Variants in VTI1A observed in about 807,000 individuals in gnomAD.
The protein encoded by VTI1A is vesicle transport through interaction with t-SNAREs homolog 1A.
A neutral mutation model predicts 34.9 loss-of-function variants in VTI1A; 22 were observed. The observed-to-expected ratio is 0.63, with a 90% CI of 0.45 to 0.90. The LOEUF is 0.90. Among genes scored for constraint, VTI1A ranks in the 40% least tolerant of loss-of-function variants. The pLI, the probability that VTI1A is intolerant of heterozygous loss-of-function variation, is 0.00. For missense variants in VTI1A, 268 were observed against 275.6 expected, an observed-to-expected ratio of 0.97 and a Z score of 0.20; for synonymous variants, 87 against 97.3, an observed-to-expected ratio of 0.89 and a Z score of 0.62.
intron 7 of VTI1A, among the ~76,000 whole-genome samples, chr10:112,776,834 C>T (rs564966583): frequency 6.6e-6 from 1 of 152,086 alleles, no homozygotes; most frequent in Non-Finnish European, 1.5e-5. Context: ...CGCACCACCA[C>T]GCCTGGCTAA....
chr10:112,731,530 G>C (rs1051445795), intron 7 of VTI1A, among the ~76,000 whole-genome samples: 5 of 150,738 alleles, frequency 3.3e-5, no homozygotes, highest in African/African-American at 1.2e-4. Flanking sequence ...AGCCGAGATC[G>C]TGCCACTACA....
At chr10:112,633,433 A>G (rs1374732156) in intron 5 of VTI1A, among the ~76,000 whole-genome samples, 1 of 152,132 alleles carries the variant, frequency 6.6e-6, no homozygotes, top group East Asian at 1.9e-4. Flanking sequence ...CTTCAAGTAT[A>G]ATGGAAAAGT....
At chr10:112,543,919 C>T (rs1193227666) in intron 5 of VTI1A, among the ~76,000 whole-genome samples, 1 of 152,200 alleles carries the variant, frequency 6.6e-6, no homozygotes, top group East Asian at 1.9e-4. Context: ...TTCCCAGCAC[C>T]ATTTATTAAA....
chr10:112,840,581 T>C, the VTI1A span, among the ~76,000 whole-genome samples: 1 of 152,182 alleles, frequency 6.6e-6, no homozygotes, highest in Non-Finnish European at 1.5e-5. Context: ...CAACAGGTGC[T>C]TAGTGAGGTT....
chr10:112,564,276 G>A (rs7100296), intron 5 of VTI1A, among the ~76,000 whole-genome samples: 20,072 of 151,802 alleles, frequency 0.13, 2,253 homozygotes, highest in African/African-American at 0.29. Flanking sequence ...TTTGTTCAGC[G>A]CGTTGTTGAT....
chr10:112,509,525 C>T (rs1423062347), intron 3 of VTI1A, among the ~76,000 whole-genome samples: 2 of 152,124 alleles, frequency 1.3e-5, no homozygotes, highest in African/African-American at 4.8e-5. Flanking sequence ...AGATTGAATG[C>T]CCTGTGGTTC....
chr10:112,468,173 T>A (rs1038117919), intron 3 of VTI1A, among the ~76,000 whole-genome samples: 2 of 152,128 alleles, frequency 1.3e-5, no homozygotes, highest in African/African-American at 2.4e-5. Flanking sequence ...GTAAAGACCT[T>A]GGCTTTTACT....
In VTI1A at chr10:112,531,061, CCTCACACACA is replaced by C. The variant is rs1240229410; in HGVS notation, c.342+3899_342+3908del. Among the ~76,000 whole-genome samples, 159 of 90,318 alleles carry C rather than the reference CCTCACACACA, an allele frequency of 1.8e-3. 1 individual carries two copies. The highest frequency in any genetic ancestry group is 5.1e-3 in the African/African-American group (134 of 26,516). 59.3% of individuals were successfully genotyped at this position (90,318 alleles called of 152,430 possible). A position where few individuals can be genotyped will look rare whatever the true frequency, so the allele number is the denominator to read the frequency against. ...GGTAGTTCTGGGGTCACGTGACACACCTCACACACACACACACACACACACACACACACAC... is the reference window on the plus strand; with the variant it reads ...GGTAGTTCTGGGGTCACGTGACACACCACACACACACACACACACACACAC... On this transcript the variant is annotated intron_variant, in intron 4 of 7. Transcript: ENST00000393077.
intron 5 of VTI1A, among the ~76,000 whole-genome samples, chr10:112,641,402 C>T (rs1846567356): frequency 6.6e-6 from 1 of 152,268 alleles, no homozygotes; most frequent in African/African-American, 2.4e-5. Context: ...GAGGACCTTT[C>T]CCCACTCGCC....
intron 3 of VTI1A, among the ~76,000 whole-genome samples, chr10:112,480,987 A>T (rs969066214): frequency 1.3e-5 from 2 of 152,120 alleles, no homozygotes; most frequent in Non-Finnish European, 2.9e-5. Flanking sequence ...AGAAAGCCTT[A>T]TTGGTTAAGT....
chr10:112,847,568 G>A, the VTI1A span, among the ~76,000 whole-genome samples: 1 of 152,206 alleles, frequency 6.6e-6, no homozygotes, highest in Non-Finnish European at 1.5e-5. Flanking sequence ...AAGAGCCACT[G>A]AATCACTCAA....
At position 112,622,556 on chromosome 10, in the gene VTI1A, A is replaced by G. The variant is rs182320512; in HGVS notation, c.428-45662A>G. On this transcript the variant is annotated intron_variant, in intron 5 of 7. Transcript: ENST00000393077. The stretch of plus-strand genomic sequence containing the variant: ...CTTTATAATGGATTAAGGGAAAACC[A>G]GGAAATAAGTGCAGACTGGCCATGT... Among the ~76,000 whole-genome samples the G allele has an allele frequency of 3.5e-4, 53 of 152,276 alleles. No individual in the cohort carries two copies. In the East Asian group the frequency reaches 8.1e-3, roughly 23 times the overall value.
intron 7 of VTI1A, among the ~76,000 whole-genome samples, chr10:112,807,215 T>A (rs1004186191): frequency 6.6e-5 from 10 of 152,090 alleles, no homozygotes; most frequent in Admixed American, 1.3e-4. Flanking sequence ...CAAGATAAGA[T>A]CACCAGCTCC....
chr10:112,702,564 C>T (rs1205617576), intron 7 of VTI1A, among the ~76,000 whole-genome samples: 5 of 152,146 alleles, frequency 3.3e-5, no homozygotes, highest in Non-Finnish European at 5.9e-5. Flanking sequence ...GGATTACAGG[C>T]GTGTGCCACC....
chr10:112,602,344 G>T (rs1271472174), intron 5 of VTI1A, among the ~76,000 whole-genome samples: 3 of 152,124 alleles, frequency 2.0e-5, no homozygotes, highest in African/African-American at 7.2e-5. Context: ...ATGGCAGGGG[G>T]CATACCCGGG....
intron 7 of VTI1A, among the ~76,000 whole-genome samples, chr10:112,735,325 T>C (rs1850414183): frequency 1.3e-5 from 2 of 152,246 alleles, no homozygotes; most frequent in Admixed American, 1.3e-4. Flanking sequence ...GTAGGGCTAC[T>C]CAAACATTTA....
intron 7 of VTI1A, among the ~76,000 whole-genome samples, chr10:112,761,904 T>C (rs1273271007): frequency 6.6e-6 from 1 of 152,146 alleles, no homozygotes; most frequent in African/African-American, 2.4e-5. Flanking sequence ...TTATTTTGTT[T>C]TCTGAATATC....
intron 3 of VTI1A, among the ~76,000 whole-genome samples, chr10:112,499,245 C>A (rs1265280496): frequency 1.3e-5 from 2 of 152,142 alleles, no homozygotes. Context: ...TTTCTGAGGT[C>A]TTTCTCCAGC....
At chr10:112,719,869 C>T (rs762056344) in intron 7 of VTI1A, among the ~76,000 whole-genome samples, 33 of 152,050 alleles carry the variant, frequency 2.2e-4, no homozygotes, top group East Asian at 3.9e-4. Context: ...TTTTTATCAC[C>T]GCAAAAAGAA....
Sources: gnomAD v4.1 joint callset for allele counts (sites outside exome capture counted in the v4.1 genomes callset) on GRCh38, gnomAD v4.1.1 for gene constraint, MANE v1.5 for transcripts, NCBI Gene and HGNC (gene_info 2026-07-23, HGNC 2026-07-21) for gene names.